KIF21A: variants seen among roughly 807,000 people sequenced by gnomAD.
The protein encoded by KIF21A is kinesin family member 21A, also known as kinesin-like protein KIF21A.
KIF21A carries 114 observed loss-of-function variants against 202.9 expected under a neutral mutation model. That is an observed-to-expected ratio of 0.56 (90% confidence interval 0.48 to 0.66). The LOEUF is 0.66. Ranked by LOEUF, KIF21A falls within the 30% of genes least tolerant of loss-of-function variation. KIF21A has a pLI of 0.00. For missense variants in KIF21A, 1,677 were observed against 1,994.9 expected (o/e 0.84, Z 3.04); for synonymous variants, 667 against 670.8 (o/e 0.99, Z 0.09).
In KIF21A at chr12:39,429,777, G is replaced by C. The variant is rs551775725; in HGVS notation, c.44+13150C>G. On this transcript the variant is annotated intron_variant, in intron 1 of 37. Transcript: ENST00000361418. ...TGAAAGAAATTATGGTTAGTTATTA[G>C]ATATTACCTAGAAGAGGAAAAATAG... 2.6e-5 allele frequency among the ~76,000 whole-genome samples: 4 copies of C among 152,166 alleles called. No homozygotes were observed. The South Asian group carries it at 6.2e-4, about 24-fold the overall frequency.
At chr12:39,383,197 G>A (rs746125288) in intron 1 of KIF21A, among the ~76,000 whole-genome samples, 1 of 152,160 alleles carries the variant, frequency 6.6e-6, no homozygotes, top group Non-Finnish European at 1.5e-5. Context: ...TTGAATTGAA[G>A]GTCAAAGGAA....
chr12:39,386,550 C>T (rs1467432888), intron 1 of KIF21A, among the ~76,000 whole-genome samples: 1 of 152,204 alleles, frequency 6.6e-6, no homozygotes, highest in East Asian at 1.9e-4. Context: ...ATATGTGACA[C>T]TGACTTGGAA....
At chr12:39,438,160 G>A (rs1939079754) in intron 1 of KIF21A, among the ~76,000 whole-genome samples, 1 of 152,044 alleles carries the variant, frequency 6.6e-6, no homozygotes, top group African/African-American at 2.4e-5. Context: ...CTATCTGATA[G>A]GATTTTAATG....
chr12:39,322,526 G>A, intron 27 of KIF21A, 142 bp downstream of exon 27: 1 of 644,556 alleles, frequency 1.6e-6, no homozygotes, highest in Non-Finnish European at 2.6e-6. Flanking sequence ...CCTTAGGGGA[G>A]ACAACACCTA....
chr12:39,296,290 C>T (rs557498418), intron 37 of KIF21A, among the ~76,000 whole-genome samples: 13 of 151,570 alleles, frequency 8.6e-5, no homozygotes, highest in East Asian at 2.0e-4. Context: ...AGGATGGTCC[C>T]GATCTCCTGA....
chr12:39,334,876 T>C (rs1054541878), intron 17 of KIF21A, among the ~76,000 whole-genome samples: 1 of 152,168 alleles, frequency 6.6e-6, no homozygotes, highest in South Asian at 2.1e-4. Context: ...AGGAGTTCAG[T>C]ATTGGTCTCC....
Position 39,325,891 on chromosome 12 carries a change from G to T in KIF21A, c.3404C>A (p.Thr1135Lys). The T allele has an allele frequency of 6.2e-7, 1 of 1,609,324 alleles. No individual in the cohort carries two copies. The highest frequency in any genetic ancestry group is 8.5e-7 in the Non-Finnish European group (1 of 1,176,482). The change falls in exon 26 of 38, where the codon ACG becomes AAG. Residue 1135 changes from threonine (T) to lysine (K), a missense_variant and splice_region_variant. By Grantham distance (78) the Thr-to-Lys change is moderately conservative. Around this residue, in one of 3 missense-constraint regions of KIF21A, gnomAD observed 705 missense variants for 791.9 expected, o/e 0.89. Coordinates refer to ENST00000361418, the MANE Select transcript of KIF21A (RefSeq NM_001173464.2). ...AAGCTTCATGAGATCTGAAGACAGC[G>T]TGCTATGTGCAAATAAATAATTAAG... ...PLNSPGSEGS[T>K]LSSDLMKLCG...
At chr12:39,391,180 T>C (rs188533331) in intron 1 of KIF21A, among the ~76,000 whole-genome samples, 2 of 152,322 alleles carry the variant, frequency 1.3e-5, no homozygotes, top group Admixed American at 6.5e-5. Flanking sequence ...TGCAAATCTA[T>C]TTGGTTCCTG....
intron 37 of KIF21A, among the ~76,000 whole-genome samples, chr12:39,299,946 A>G (rs375297227): frequency 5.3e-5 from 8 of 152,108 alleles, no homozygotes; most frequent in African/African-American, 1.4e-4. Context: ...ACTGGGGCCT[A>G]TTTGAGGGTG....
chr12:39,315,231 T>C lies in KIF21A; in HGVS notation c.3957A>G (p.Arg1319=). 6.2e-7 allele frequency: 1 copy of C among 1,612,042 alleles called. No individual in the cohort carries two copies. Among genetic ancestry groups the C allele is most frequent in the East Asian group, 2.2e-5 (1 of 44,760 alleles). ...SSLSEVHRSS[R]RGIINPFPAS... ...TTCCTCTCCCTTCCCCTGCCTACCT[T>C]CTGGAGGATCTGCTGATGATCAGCA... Residue 1319 remains arginine, a splice_region_variant and synonymous_variant, in exon 31 of 38, where the codon AGA becomes AGG. Transcript: ENST00000361418.
intron 27 of KIF21A, chr12:39,321,286 A>T (rs1945222108): frequency 6.6e-6 from 1 of 152,212 alleles, no homozygotes; most frequent in Non-Finnish European, 1.5e-5. Context: ...AGCCCAAAAG[A>T]TATTTTTTAC....
At chr12:39,357,487 A>C in intron 8 of KIF21A, 50 bp from the exon 9 acceptor site, 1 of 1,492,452 alleles carries the variant, frequency 6.7e-7, no homozygotes, top group Non-Finnish European at 9.3e-7. Flanking sequence ...TTAAAAACAC[A>C]AGAGTTTTGC....
intron 37 of KIF21A, among the ~76,000 whole-genome samples, chr12:39,300,601 TTAGA>T (rs1432651602): frequency 6.6e-6 from 1 of 152,122 alleles, no homozygotes; most frequent in African/African-American, 2.4e-5. Flanking sequence ...GGGAGGTGTT[TTAGA>T]TAGTCATAAG....
chr12:39,315,170 C>T (rs1020537587), intron 31 of KIF21A, 59 bp downstream of exon 31: 9 of 1,501,474 alleles, frequency 6.0e-6, no homozygotes, highest in Admixed American at 1.7e-5. Context: ...TCCATGCAAA[C>T]CTGTAAGGTC....
intron 1 of KIF21A, among the ~76,000 whole-genome samples, chr12:39,432,135 T>A (rs1294775461): frequency 6.6e-6 from 1 of 152,210 alleles, no homozygotes; most frequent in Non-Finnish European, 1.5e-5. Flanking sequence ...AGAAACTCAC[T>A]TATTTTCAAG....
At chr12:39,367,820 A>G in intron 4 of KIF21A, 63 bp downstream of exon 4, 1 of 1,281,890 alleles carries the variant, frequency 7.8e-7, no homozygotes, top group East Asian at 2.3e-5. Context: ...GCAGATTATC[A>G]GCAAAGCTCA....
chr12:39,331,911 G>A, intron 21 of KIF21A, 120 bp from the exon 22 acceptor site: 1 of 804,020 alleles, frequency 1.2e-6, no homozygotes, highest in Admixed American at 1.9e-5. Context: ...GCTCAGATAA[G>A]TGCAATATAT....
intron 1 of KIF21A, among the ~76,000 whole-genome samples, chr12:39,429,650 C>T (rs1238082965): frequency 6.6e-6 from 1 of 152,170 alleles, no homozygotes; most frequent in East Asian, 1.9e-4. Context: ...TGTTAGTACT[C>T]TTATTACCTC....
chr12:39,438,371 T>G (rs1939108513), intron 1 of KIF21A, among the ~76,000 whole-genome samples: 1 of 152,170 alleles, frequency 6.6e-6, no homozygotes, highest in Non-Finnish European at 1.5e-5. Flanking sequence ...TAACAACAAC[T>G]AAAATCATAT....
Sources: allele counts gnomAD v4.1 joint callset (sites outside exome capture counted in the v4.1 genomes callset), GRCh38; gene constraint gnomAD v4.1.1; regional missense constraint gnomAD v4.1.1; transcripts MANE v1.5; gene names NCBI Gene and HGNC (gene_info 2026-07-23, HGNC 2026-07-21).